The following NXPH1 variants were observed in gnomAD, a reference collection of about 807,000 sequenced individuals.
NXPH1 encodes neurexophilin-1.
Under a neutral mutation model 23.7 loss-of-function variants are expected in NXPH1, and 5 were observed. That is an observed-to-expected ratio of 0.21 (90% CI 0.11 to 0.44). The LOEUF is 0.44. NXPH1 is among the 20% of genes least tolerant of loss of function. The pLI is 0.99. For missense variants in NXPH1, 324 were observed against 321.6 expected, an observed-to-expected ratio of 1.01 and a Z score of -0.06; for synonymous variants, 144 against 122.2, an observed-to-expected ratio of 1.18 and a Z score of -1.18.
intron 2 of NXPH1, among the ~76,000 whole-genome samples, chr7:8,509,136 A>G (rs1817574812): frequency 2.6e-5 from 4 of 152,148 alleles, no homozygotes; most frequent in Admixed American, 2.6e-4. Context: ...CCATTAGTGC[A>G]TGACTGCTGA....
chr7:8,698,311 C>G (rs1299780305), intron 2 of NXPH1, among the ~76,000 whole-genome samples: 3 of 152,204 alleles, frequency 2.0e-5, no homozygotes, highest in East Asian at 3.9e-4. Flanking sequence ...TTATTGTACA[C>G]TAAGTTTTTC....
chr7:8,489,848 A>T (rs965316178), intron 2 of NXPH1, among the ~76,000 whole-genome samples: 4 of 152,120 alleles, frequency 2.6e-5, no homozygotes, highest in Non-Finnish European at 4.4e-5. Context: ...TGGATGTATC[A>T]GGAGAATTTC....
At chr7:8,724,371 G>A (rs1310389268) in intron 2 of NXPH1, among the ~76,000 whole-genome samples, 1 of 152,184 alleles carries the variant, frequency 6.6e-6, no homozygotes, top group Non-Finnish European at 1.5e-5. Context: ...TTTGAAGTCA[G>A]TGAGTTTAGG....
rs552522259 is a variant in NXPH1, at chr7:8,516,400, T to A, written c.54+80633T>A. ...TACTCAGAATATTTGTTTCGTTGTC[T>A]ACTGTGAAGTAATAAACACAAAGAG... On this transcript the variant is annotated intron_variant, in intron 2 of 2. Transcript: ENST00000405863. 7.2e-5 allele frequency among the ~76,000 whole-genome samples: 11 copies of A among 152,304 alleles called. No individual in the cohort carries two copies. The East Asian group carries it at 2.1e-3, about 29-fold the overall frequency.
rs1257018641 is a variant in NXPH1, at chr7:8,442,028, C to T, written c.54+6261C>T. Among the ~76,000 whole-genome samples, 1 of 152,008 alleles carries T rather than the reference C, an allele frequency of 6.6e-6. No homozygotes were observed. Among genetic ancestry groups the T allele is most frequent in the African/African-American group, 2.4e-5 (1 of 41,382 alleles). ...GTCAGGGGTTCGGGGTGGTGGAAAG[C>T]GAGATGGCGTTGGGAGCCAGGGCGT... On this transcript the variant is annotated intron_variant, in intron 2 of 2. Coordinates refer to ENST00000405863, the MANE Select transcript of NXPH1 (RefSeq NM_152745.3). The surrounding 1 kb of genome is among the most constrained non-coding windows in gnomAD (Gnocchi z 4.6).
chr7:8,609,334 A>G (rs1159032117), intron 2 of NXPH1, among the ~76,000 whole-genome samples: 1 of 152,192 alleles, frequency 6.6e-6, no homozygotes, highest in Non-Finnish European at 1.5e-5. Flanking sequence ...AGGGCTTTAT[A>G]GTTTACATTT....
At chr7:8,500,179 G>C (rs937795849) in intron 2 of NXPH1, among the ~76,000 whole-genome samples, 5 of 152,066 alleles carry the variant, frequency 3.3e-5, no homozygotes, top group African/African-American at 1.2e-4. Flanking sequence ...AAATGACAAG[G>C]CTTTTTGGTG....
In NXPH1 at chr7:8,570,799, C is replaced by T. The variant is rs76849434; in HGVS notation, c.54+135032C>T. On this transcript the variant is annotated intron_variant, in intron 2 of 2. Transcript: ENST00000405863. The stretch of plus-strand genomic sequence containing the variant: ...TGTGGGTCTTTGGAATGGAAAGGAA[C>T]AGGGCATGATACAGTCATGGTAGAT... 1.7e-3 allele frequency among the ~76,000 whole-genome samples: 260 copies of T among 151,804 alleles called. 5 individuals carry two copies. In the East Asian group the frequency reaches 0.046, roughly 27 times the overall value.
chr7:8,613,066 C>G (rs892496697), intron 2 of NXPH1, among the ~76,000 whole-genome samples: 2 of 151,972 alleles, frequency 1.3e-5, no homozygotes, highest in Non-Finnish European at 2.9e-5. Flanking sequence ...ACTTATCACT[C>G]TGTACATGTG....
intron 2 of NXPH1, among the ~76,000 whole-genome samples, chr7:8,585,891 T>C (rs996463481): frequency 6.6e-6 from 1 of 152,188 alleles, no homozygotes; most frequent in African/African-American, 2.4e-5. Flanking sequence ...AAAGAAGTAC[T>C]TCTTGACCTG....
Position 8,751,184 on chromosome 7 carries a change from C to T in NXPH1, c.231C>T (p.Asp77=). Residue 77 remains aspartate, a synonymous_variant, in exon 3 of 3, where the codon GAC becomes GAT. Transcript: ENST00000405863. This position sits in a 1 kb window ranked among gnomAD's most constrained non-coding sequence, Gnocchi z 4.5. ...ENDTDLDLRY[D]TPEPYSEQDL... is the part of the protein sequence containing the mutation. ...ATACAGATTTGGACCTGAGATATGA[C>T]ACCCCAGAACCTTATTCTGAGCAAG... The T allele has an allele frequency of 6.2e-7, 1 of 1,613,798 alleles. No individual in the cohort carries two copies. Among genetic ancestry groups the T allele is most frequent in the Non-Finnish European group, 8.5e-7 (1 of 1,179,806 alleles).
rs975639972 is a variant in NXPH1, at chr7:8,544,141, G to T, written c.54+108374G>T. Among the ~76,000 whole-genome samples the T allele has an allele frequency of 3.3e-5, 5 of 151,780 alleles. No individual in the cohort carries two copies. In the South Asian group the frequency reaches 1.0e-3, roughly 31 times the overall value. On this transcript the variant is annotated intron_variant, in intron 2 of 2. Transcript: ENST00000405863. ...TTCTAGTTAGTCACACAAGTGAGAA[G>T]ATTCAAACATGCATTTGTCAATAAT...
At chr7:8,682,410 G>A (rs1821070369) in intron 2 of NXPH1, among the ~76,000 whole-genome samples, 1 of 152,126 alleles carries the variant, frequency 6.6e-6, no homozygotes, top group Non-Finnish European at 1.5e-5. Context: ...TATGCCTCTG[G>A]AAATTCTTTA....
At chr7:8,572,934 C>G (rs1238136186) in intron 2 of NXPH1, among the ~76,000 whole-genome samples, 6 of 151,708 alleles carry the variant, frequency 4.0e-5, no homozygotes, top group Non-Finnish European at 8.8e-5. Context: ...TTGAAAAAAC[C>G]TCAGTATGTT....
intron 2 of NXPH1, among the ~76,000 whole-genome samples, chr7:8,697,422 A>T (rs889973340): frequency 1.3e-5 from 2 of 152,172 alleles, no homozygotes; most frequent in Admixed American, 1.3e-4. Flanking sequence ...GTGAGAGATG[A>T]TAGTGGCTCA....
At chr7:8,455,980 G>T (rs1366397054) in intron 2 of NXPH1, among the ~76,000 whole-genome samples, 1 of 152,158 alleles carries the variant, frequency 6.6e-6, no homozygotes, top group East Asian at 1.9e-4. Context: ...TCCTTGCAAG[G>T]TCATTAGGCA....
chr7:8,527,191 G>C (rs1317350988), intron 2 of NXPH1, among the ~76,000 whole-genome samples: 1 of 152,208 alleles, frequency 6.6e-6, no homozygotes, highest in Non-Finnish European at 1.5e-5. Flanking sequence ...ATTTTGAGTG[G>C]CCGCTTCCTA....
chr7:8,478,861 A>G (rs1817025286), intron 2 of NXPH1, among the ~76,000 whole-genome samples: 1 of 152,146 alleles, frequency 6.6e-6, no homozygotes, highest in Non-Finnish European at 1.5e-5. Flanking sequence ...ATTCAAAGAA[A>G]GAAAATATGA....
At chr7:8,483,996 T>C (rs1305341272) in intron 2 of NXPH1, among the ~76,000 whole-genome samples, 3 of 141,622 alleles carry the variant, frequency 2.1e-5, no homozygotes, top group Non-Finnish European at 4.5e-5. Flanking sequence ...AAGTAGACCA[T>C]AGAGGATGTC....
Sources: gnomAD v4.1 joint callset for allele counts (sites outside exome capture counted in the v4.1 genomes callset) on GRCh38, gnomAD v4.1.1 for gene constraint, Gnocchi (gnomAD v3.1) non-coding constraint, MANE v1.5 for transcripts, NCBI Gene and HGNC (gene_info 2026-07-23, HGNC 2026-07-21) for gene names.